The following SLA variants were observed in gnomAD, a reference collection of about 807,000 sequenced individuals.
The protein encoded by SLA is Src like adaptor, also known as src-like-adapter.
Under a neutral mutation model 30.3 loss-of-function variants are expected in SLA, and 16 were observed. The observed-to-expected ratio is 0.53, with a 90% CI of 0.36 to 0.80. SLA has a LOEUF of 0.80. Among genes scored for constraint, SLA ranks in the 30% least tolerant of loss-of-function variants. SLA has a pLI of 0.01. For synonymous variants in SLA, 143 were observed against 137.8 expected (o/e 1.04, Z -0.26); for missense variants, 310 against 345.2 (o/e 0.90, Z 0.81).
intron 5 of SLA, chr8:133,049,467 G>A (rs2252917): frequency 0.58 from 162,486 of 281,598 alleles, 49,741 homozygotes; most frequent in African/African-American, 0.82. Context: ...TATCCCTGTC[G>A]TTCTATGTTA....
At chr8:133,074,142 AC>A (rs1206128411) in intron 2 of SLA, among the ~76,000 whole-genome samples, 1 of 151,696 alleles carries the variant, frequency 6.6e-6, no homozygotes, top group Non-Finnish European at 1.5e-5. Flanking sequence ...ATCTCTTCCA[AC>A]TCTAACATGC....
Position 133,046,087 on chromosome 8 carries a change from A to G in SLA, c.353-972T>C, listed in dbSNP as rs570688071. 2.0e-5 allele frequency among the ~76,000 whole-genome samples: 3 copies of G among 152,328 alleles called. 1 individual carries two copies. In the South Asian group the frequency reaches 6.2e-4, roughly 32 times the overall value. ...ACCTGATATGGGTTGGTAAGAGTAG[A>G]ACCGCAGCCATGTGCCTCGATTTCC... On this transcript the variant is annotated intron_variant, in intron 6 of 8. Coordinates refer to ENST00000338087, the MANE Select transcript of SLA (RefSeq NM_001045556.3).
At chr8:133,091,093 T>C (rs891451978) in intron 1 of SLA, among the ~76,000 whole-genome samples, 1 of 152,204 alleles carries the variant, frequency 6.6e-6, no homozygotes, top group African/African-American at 2.4e-5. Context: ...GAGAGGTAGG[T>C]GAGCTTCTAC....
intron 7 of SLA, among the ~76,000 whole-genome samples, chr8:133,043,303 T>G (rs1475112174): frequency 6.6e-6 from 1 of 152,180 alleles, no homozygotes; most frequent in Admixed American, 6.5e-5. Context: ...ATCCTTCTCA[T>G]GTTTGCTTTT....
intron 1 of SLA, among the ~76,000 whole-genome samples, chr8:133,085,988 G>A (rs547054436): frequency 1.3e-5 from 2 of 152,330 alleles, no homozygotes; most frequent in Admixed American, 1.3e-4. Context: ...ACCAGCCAAT[G>A]AGTAGGTAAG....
intron 2 of SLA, among the ~76,000 whole-genome samples, chr8:133,060,520 C>T (rs1047701406): frequency 1.3e-5 from 2 of 152,134 alleles, no homozygotes; most frequent in African/African-American, 4.8e-5. Context: ...AACCAAGCAG[C>T]ATTTCAGGTG....
At position 133,037,420 on chromosome 8, in the gene SLA, T is replaced by C. The variant is rs946389389; in HGVS notation, c.*1104A>G. 6.6e-6 allele frequency: 1 copy of C among 152,122 alleles called. No homozygotes were observed. The highest frequency in any genetic ancestry group is 2.4e-5 in the African/African-American group (1 of 41,416). The allele number at this position is 152,122 out of a possible 1,614,324, so 9.4% of individuals were successfully genotyped here. ...GGGTGAGTTAATTCTTTAGACTGTA[T>C]CCATTTCTTTTCTAAAAAATCCAGC... On this transcript the variant is annotated 3_prime_UTR_variant, in exon 9 of 9. Transcript: ENST00000338087.
intron 1 of SLA, among the ~76,000 whole-genome samples, chr8:133,100,950 T>G (rs986355925): frequency 4.8e-5 from 7 of 144,458 alleles, no homozygotes; most frequent in African/African-American, 1.6e-4. Context: ...CATGAACCAG[T>G]ATTTAACACG....
In SLA at chr8:133,095,068, G is replaced by A. The variant is rs73354644; in HGVS notation, c.-319+7485C>T. On this transcript the variant is annotated intron_variant, in intron 1 of 8. Transcript: ENST00000338087. ...GGGAGGCTCCGCACTCTCCCCGGCC[G>A]CCGTCATCAGCCATGAGAGGGCTCA... 13,646 of 1,613,894 alleles carry A rather than the reference G, an allele frequency of 8.5e-3. 822 individuals are homozygous for A. The African/African-American group carries it at 0.14, about 17-fold the overall frequency.
chr8:133,038,815 G>A (rs987305818), intron 8 of SLA, 78 bp from the exon 9 acceptor site: 2 of 889,856 alleles, frequency 2.2e-6, no homozygotes, highest in Non-Finnish European at 1.8e-6. Context: ...AAGGGCAAGA[G>A]AATGAGAACA....
At chr8:133,057,748 A>C (rs1413243224) in intron 3 of SLA, among the ~76,000 whole-genome samples, 1 of 151,062 alleles carries the variant, frequency 6.6e-6, no homozygotes, top group East Asian at 2.0e-4. Context: ...AATATTCTGG[A>C]AATCTTAGTT....
At chr8:133,053,019 G>A (rs896604589) in intron 3 of SLA, among the ~76,000 whole-genome samples, 6 of 152,118 alleles carry the variant, frequency 3.9e-5, no homozygotes, top group East Asian at 1.9e-4. Context: ...GTGCTGCCTC[G>A]GCTACATGTG....
At chr8:133,039,031 C>T (rs1190001267) in intron 8 of SLA, among the ~76,000 whole-genome samples, 1 of 152,150 alleles carries the variant, frequency 6.6e-6, no homozygotes, top group East Asian at 1.9e-4. Context: ...CCATCCACCA[C>T]CACGCCCAGC....
intron 1 of SLA, among the ~76,000 whole-genome samples, chr8:133,088,160 C>T (rs1411605255): frequency 6.6e-6 from 1 of 152,174 alleles, no homozygotes; most frequent in Non-Finnish European, 1.5e-5. Context: ...ATAGACTCTC[C>T]CTTGTCTCAC....
At chr8:133,095,067 C>A in intron 1 of SLA, 1 of 1,613,932 alleles carries the variant, frequency 6.2e-7, no homozygotes, top group Non-Finnish European at 8.5e-7. Context: ...TCTCCCCGGC[C>A]GCCGTCATCA....
rs968242581 is a variant in SLA at position 133,038,206 on chromosome 8, C to T, written c.*318G>A. On this transcript the variant is annotated 3_prime_UTR_variant, in exon 9 of 9. Coordinates refer to ENST00000338087, the MANE Select transcript of SLA (RefSeq NM_001045556.3). ...GTTCCTTGGAGAGCAGTCCTGGTGC[C>T]CTTTCTTGTGAGAGTGGCTTTGTCC... 21 of 364,762 alleles carry T rather than the reference C, an allele frequency of 5.8e-5. No homozygotes were observed. The highest frequency in any genetic ancestry group is 3.6e-4 in the South Asian group (14 of 38,692). 22.6% of individuals were successfully genotyped at this position (364,762 alleles called of 1,614,324 possible).
At chr8:133,039,907 G>C in intron 8 of SLA, 91 bp downstream of exon 8, 2 of 1,492,164 alleles carry the variant, frequency 1.3e-6, no homozygotes, top group Non-Finnish European at 1.8e-6. Flanking sequence ...TCATGTGCTC[G>C]GCACACACAC....
chr8:133,099,494 A>T (rs1236438698), intron 1 of SLA, among the ~76,000 whole-genome samples: 1 of 152,180 alleles, frequency 6.6e-6, no homozygotes. Flanking sequence ...CTGCACACAG[A>T]TTTATTCCTC....
At chr8:133,040,417 C>T (rs1838000010) in intron 7 of SLA, 2 of 368,548 alleles carry the variant, frequency 5.4e-6, no homozygotes, top group Non-Finnish European at 1.0e-5. Flanking sequence ...TTTAGCTTTA[C>T]CCCGATAGTA....
Sources: gnomAD v4.1 joint callset for allele counts (sites outside exome capture counted in the v4.1 genomes callset) on GRCh38, gnomAD v4.1.1 for gene constraint, MANE v1.5 for transcripts, NCBI Gene and HGNC (gene_info 2026-07-23, HGNC 2026-07-21) for gene names.